AK5: variants seen among roughly 807,000 people sequenced by gnomAD.
AK5 encodes adenylate kinase isoenzyme 5.
Under a neutral mutation model 69.5 loss-of-function variants are expected in AK5, and 27 were observed. The ratio of observed to expected loss-of-function variants is 0.39; its 90% confidence interval spans 0.29 to 0.54. AK5 has a LOEUF of 0.54. Ranked by LOEUF, AK5 falls within the 20% of genes least tolerant of loss-of-function variation. The pLI is 0.71. For synonymous variants in AK5, 260 were observed against 244.4 expected (o/e 1.06, Z -0.60); for missense variants, 531 against 700.4 (o/e 0.76, Z 2.73).
intron 12 of AK5, among the ~76,000 whole-genome samples, chr1:77,530,195 T>C (rs1035175550): frequency 6.6e-6 from 1 of 152,230 alleles, no homozygotes; most frequent in African/African-American, 2.4e-5. Flanking sequence ...GGAGGCCACA[T>C]AGGATTTTTC....
At chr1:77,425,357 A>T in intron 8 of AK5, among the ~76,000 whole-genome samples, 1 of 152,162 alleles carries the variant, frequency 6.6e-6, no homozygotes, top group Non-Finnish European at 1.5e-5. Flanking sequence ...AGGCCAAGGC[A>T]GGTGGATTGC....
At chr1:77,339,042 A>T (rs535918261) in intron 5 of AK5, among the ~76,000 whole-genome samples, 12 of 151,020 alleles carry the variant, frequency 7.9e-5, no homozygotes, top group East Asian at 4.1e-4. Flanking sequence ...CACAAAGCAA[A>T]CCACTGTGAT....
chr1:77,361,536 G>A (rs1344261910), intron 6 of AK5, among the ~76,000 whole-genome samples: 1 of 152,040 alleles, frequency 6.6e-6, no homozygotes, highest in African/African-American at 2.4e-5. Flanking sequence ...ACAAAGTTTG[G>A]GCAACTTATA....
chr1:77,300,599 G>C (rs773461422), intron 5 of AK5, among the ~76,000 whole-genome samples: 5 of 152,044 alleles, frequency 3.3e-5, no homozygotes, highest in Non-Finnish European at 7.4e-5. Context: ...AAATGTGTGG[G>C]GTCTTCCACA....
rs1648565834 is a variant in AK5, at chr1:77,392,678, A to G, written c.892-18303A>G. On this transcript the variant is annotated intron_variant, in intron 6 of 13. Coordinates refer to ENST00000354567, the MANE Select transcript of AK5 (RefSeq NM_174858.3). ...TCCAAATCCGCACATTCATAATAATAGTTCTGACTCTTCTGACAAGACCGC... is the reference window on the plus strand; with the variant it reads ...TCCAAATCCGCACATTCATAATAATGGTTCTGACTCTTCTGACAAGACCGC... Among the ~76,000 whole-genome samples the G allele has an allele frequency of 3.3e-5, 5 of 152,146 alleles. No homozygotes were observed. The South Asian group carries it at 1.0e-3, about 32-fold the overall frequency.
intron 8 of AK5, among the ~76,000 whole-genome samples, chr1:77,458,678 A>G (rs988737847): frequency 6.6e-6 from 1 of 152,226 alleles, no homozygotes; most frequent in South Asian, 2.1e-4. Context: ...CTCATTCACT[A>G]TCAGGAGAAC....
chr1:77,473,767 G>A (rs1485023840), intron 8 of AK5, among the ~76,000 whole-genome samples: 2 of 152,168 alleles, frequency 1.3e-5, no homozygotes, highest in Admixed American at 1.3e-4. Context: ...TTGGAAAAAC[G>A]AATTCTGCAC....
chr1:77,314,208 C>T (rs1660119591), intron 5 of AK5: 3 of 282,662 alleles, frequency 1.1e-5, no homozygotes, highest in Non-Finnish European at 2.0e-5. Flanking sequence ...GCTGGAGAAT[C>T]TGCTCCAAGT....
intron 12 of AK5, among the ~76,000 whole-genome samples, chr1:77,523,471 T>C (rs1174120613): frequency 1.3e-5 from 2 of 152,178 alleles, no homozygotes; most frequent in African/African-American, 2.4e-5. Flanking sequence ...AATTAACTAG[T>C]TTTTTACAAG....
chr1:77,538,641 C>T (rs1570334380), intron 13 of AK5, among the ~76,000 whole-genome samples: 1 of 151,410 alleles, frequency 6.6e-6, no homozygotes, highest in East Asian at 1.9e-4. Context: ...CAGAGAGTCC[C>T]TGTCTCAAAA....
intron 12 of AK5, among the ~76,000 whole-genome samples, chr1:77,534,843 G>A (rs1392874961): frequency 6.6e-6 from 1 of 152,068 alleles, no homozygotes; most frequent in Non-Finnish European, 1.5e-5. Flanking sequence ...TCTTACAAAA[G>A]AAAAGAAAAT....
At chr1:77,549,733 A>G (rs1002370978) in intron 13 of AK5, among the ~76,000 whole-genome samples, 1 of 152,180 alleles carries the variant, frequency 6.6e-6, no homozygotes, top group South Asian at 2.1e-4. Flanking sequence ...TTCACTTAAC[A>G]TGACTTCCAG....
intron 7 of AK5, among the ~76,000 whole-genome samples, chr1:77,415,609 C>T (rs1196650326): frequency 1.3e-5 from 2 of 152,170 alleles, no homozygotes; most frequent in Non-Finnish European, 2.9e-5. Flanking sequence ...AATGAGACTC[C>T]TTAATTCCAC....
chr1:77,391,888 A>G (rs1169775789), intron 6 of AK5, among the ~76,000 whole-genome samples: 2 of 152,164 alleles, frequency 1.3e-5, no homozygotes, highest in Non-Finnish European at 2.9e-5. Context: ...ACAAATATTG[A>G]TAACTACTTA....
At chr1:77,283,755 TG>T (rs1164467035) in intron 1 of AK5, 2 of 452,622 alleles carry the variant, frequency 4.4e-6, no homozygotes, top group East Asian at 3.1e-4. Flanking sequence ...TTTTTTTGTT[TG>T]TTTTTATTTT....
intron 6 of AK5, among the ~76,000 whole-genome samples, chr1:77,396,322 T>G (rs1375630301): frequency 1.3e-5 from 2 of 152,262 alleles, no homozygotes; most frequent in Non-Finnish European, 2.9e-5. Context: ...TAATTTTCTT[T>G]GTCTCTCCTG....
chr1:77,526,710 C>T (rs1332436013), intron 12 of AK5, among the ~76,000 whole-genome samples: 1 of 151,026 alleles, frequency 6.6e-6, no homozygotes, highest in Non-Finnish European at 1.5e-5. Context: ...CTCCTGACCT[C>T]GTGATCTGCC....
rs369147735 is a variant in AK5 at position 77,451,417 on chromosome 1, A to G, written c.1060-31900A>G. Among the ~76,000 whole-genome samples the G allele has an allele frequency of 2.0e-5, 3 of 152,294 alleles. No homozygotes were observed. In the South Asian group the frequency reaches 6.2e-4, roughly 32 times the overall value. On this transcript the variant is annotated intron_variant, in intron 8 of 13. Coordinates refer to ENST00000354567, the MANE Select transcript of AK5 (RefSeq NM_174858.3). ...CTATAAAATATAATTCTATAGGAACACCATATTTATTTTCATCATTCCCTT... is the reference window on the plus strand; with the variant it reads ...CTATAAAATATAATTCTATAGGAACGCCATATTTATTTTCATCATTCCCTT...
intron 6 of AK5, among the ~76,000 whole-genome samples, chr1:77,399,776 C>T (rs1230984797): frequency 1.3e-5 from 2 of 152,202 alleles, no homozygotes; most frequent in African/African-American, 4.8e-5. Flanking sequence ...TAGATGACCT[C>T]AATCCTCTCA....
Sources: allele counts gnomAD v4.1 joint callset (sites outside exome capture counted in the v4.1 genomes callset), GRCh38; gene constraint gnomAD v4.1.1; transcripts MANE v1.5; gene names NCBI Gene and HGNC (gene_info 2026-07-23, HGNC 2026-07-21).